Variants in TCF7L2 observed in about 807,000 individuals in gnomAD.
TCF7L2 encodes the protein transcription factor 7-like 2.
In TCF7L2, 23 loss-of-function variants were observed where a neutral mutation model predicts 77.9. The ratio of observed to expected loss-of-function variants is 0.30; its 90% CI spans 0.21 to 0.42. The LOEUF is 0.42. Among genes scored for constraint, TCF7L2 ranks in the 10% least tolerant of loss-of-function variants. TCF7L2 has a pLI of 1.00. For missense variants in TCF7L2, 654 were observed against 793.1 expected (o/e 0.82, Z 2.11); for synonymous variants, 413 against 340.2 (o/e 1.21, Z -2.36).
At position 113,158,212 on chromosome 10, in the gene TCF7L2, T is replaced by C; in HGVS notation, c.1318+143T>C. Reference sequence around the variant, plus strand: ...CCTTCTTAGCTAGCCTTTTTGTTTATGCATTTTAATTAATTGCTTCATGAC... The same window carrying C: ...CCTTCTTAGCTAGCCTTTTTGTTTACGCATTTTAATTAATTGCTTCATGAC... On this transcript the variant is annotated intron_variant, in intron 12 of 13. Coordinates refer to ENST00000627217, the MANE Select transcript of TCF7L2 (RefSeq NM_001146274.2). 4 of 790,294 alleles carry C rather than the reference T, an allele frequency of 5.1e-6. No homozygotes were observed. The South Asian group carries it at 7.1e-5, about 14-fold the overall frequency. 49.0% of individuals were successfully genotyped at this position (790,294 alleles called of 1,614,324 possible). A position where few individuals can be genotyped will look rare whatever the true frequency, so the allele number is the denominator to read the frequency against.
At chr10:113,063,496 G>A (rs1308358909) in intron 5 of TCF7L2, among the ~76,000 whole-genome samples, 1 of 152,118 alleles carries the variant, frequency 6.6e-6, no homozygotes, top group African/African-American at 2.4e-5. Flanking sequence ...TGCTCTGGCT[G>A]GAGGGAAGAT....
intron 5 of TCF7L2, among the ~76,000 whole-genome samples, chr10:113,086,478 T>C (rs2059846882): frequency 6.6e-6 from 1 of 152,208 alleles, no homozygotes; most frequent in Non-Finnish European, 1.5e-5. Context: ...CCTACAAGTC[T>C]GTGACCTTGA....
intron 5 of TCF7L2, among the ~76,000 whole-genome samples, chr10:113,069,258 C>T (rs1433390576): frequency 6.7e-6 from 1 of 150,110 alleles, no homozygotes; most frequent in Non-Finnish European, 1.5e-5. Context: ...TAGACAGAGT[C>T]TCGCTCCTAC....
intron 5 of TCF7L2, among the ~76,000 whole-genome samples, chr10:113,120,196 C>T (rs533010990): frequency 5.9e-5 from 9 of 152,238 alleles, no homozygotes; most frequent in African/African-American, 2.2e-4. Context: ...TTATTTGACT[C>T]TTTTTCTTTT....
At chr10:112,976,546 A>G (rs1221321156) in intron 4 of TCF7L2, among the ~76,000 whole-genome samples, 2 of 152,208 alleles carry the variant, frequency 1.3e-5, no homozygotes, top group South Asian at 2.1e-4. Flanking sequence ...ACCATGCACT[A>G]ATTTCCTGGG....
At chr10:113,052,891 G>A (rs1317034773) in intron 5 of TCF7L2, among the ~76,000 whole-genome samples, 3 of 152,156 alleles carry the variant, frequency 2.0e-5, no homozygotes, top group Admixed American at 2.0e-4. Context: ...TTTCTAAGAG[G>A]GTGATAACTT....
intron 5 of TCF7L2, among the ~76,000 whole-genome samples, chr10:113,084,347 G>A (rs1240371461): frequency 6.6e-6 from 1 of 152,164 alleles, no homozygotes; most frequent in African/African-American, 2.4e-5. Flanking sequence ...TTCAAAGGCC[G>A]GTGGGCTGGA....
At position 113,155,222 on chromosome 10, in the gene TCF7L2, A is replaced by G. The variant is rs1028325965; in HGVS notation, c.1269+2782A>G. ...GACTTGGTACCTTCTTTAGAGCCCA[A>G]GAGAAAACATCTTGAGTCCCATAGT... On this transcript the variant is annotated intron_variant, in intron 11 of 13. Coordinates refer to ENST00000627217, the MANE Select transcript of TCF7L2 (RefSeq NM_001146274.2). Among the ~76,000 whole-genome samples the G allele has an allele frequency of 7.9e-5, 12 of 152,172 alleles. 1 individual carries two copies. The highest frequency in any genetic ancestry group is 2.7e-4 in the African/African-American group (11 of 41,444).
rs1311160472 is a variant in TCF7L2 at position 113,086,328 on chromosome 10, A to G, written c.552+46202A>G. Among the ~76,000 whole-genome samples, 3 of 152,270 alleles carry G rather than the reference A, an allele frequency of 2.0e-5. No homozygotes were observed. The East Asian group carries it at 5.8e-4, about 29-fold the overall frequency. On this transcript the variant is annotated intron_variant, in intron 5 of 13. Transcript: ENST00000627217. The stretch of plus-strand genomic sequence containing the variant: ...GTATTGATCCATAACTGAAAAGTCC[A>G]GAATGATCAGGCATCAGGCATGGTT...
At chr10:113,018,921 C>A (rs1184453711) in intron 4 of TCF7L2, among the ~76,000 whole-genome samples, 1 of 152,132 alleles carries the variant, frequency 6.6e-6, no homozygotes, top group African/African-American at 2.4e-5. Flanking sequence ...TGGGAGGCAG[C>A]TGGGAGAGTC....
chr10:112,985,819 C>G (rs2135335657), intron 4 of TCF7L2, among the ~76,000 whole-genome samples: 1 of 151,120 alleles, frequency 6.6e-6, no homozygotes, highest in South Asian at 2.1e-4. Context: ...GGAGGGCTGC[C>G]TGTTAGTGAG....
At chr10:112,982,034 T>A (rs2040561481) in intron 4 of TCF7L2, among the ~76,000 whole-genome samples, 1 of 152,228 alleles carries the variant, frequency 6.6e-6, no homozygotes, top group Non-Finnish European at 1.5e-5. Context: ...ATGTAATACG[T>A]CTGTGGACTA....
chr10:113,115,572 C>T (rs1291598438), intron 5 of TCF7L2, among the ~76,000 whole-genome samples: 2 of 152,070 alleles, frequency 1.3e-5, no homozygotes, highest in East Asian at 1.9e-4. Flanking sequence ...TTGCACGGAA[C>T]GTTGTGATGA....
chr10:113,120,656 G>A (rs1180908535), intron 5 of TCF7L2, among the ~76,000 whole-genome samples: 1 of 152,126 alleles, frequency 6.6e-6, no homozygotes, highest in Admixed American at 6.5e-5. Flanking sequence ...GTAGGAGGGT[G>A]TTATGAAATA....
intron 5 of TCF7L2, among the ~76,000 whole-genome samples, chr10:113,053,686 G>A (rs982303102): frequency 6.6e-6 from 1 of 152,210 alleles, no homozygotes; most frequent in African/African-American, 2.4e-5. Flanking sequence ...CAGAACTGAT[G>A]CCTTGAGAAA....
intron 5 of TCF7L2, among the ~76,000 whole-genome samples, chr10:113,117,009 A>G (rs1211314927): frequency 6.6e-6 from 1 of 152,240 alleles, no homozygotes; most frequent in Non-Finnish European, 1.5e-5. Flanking sequence ...AATCACAAGC[A>G]GAGAGAACCC....
chr10:113,023,958 T>C (rs1564796225), intron 4 of TCF7L2, among the ~76,000 whole-genome samples: 2 of 151,720 alleles, frequency 1.3e-5, no homozygotes, highest in Admixed American at 6.6e-5. Flanking sequence ...GCGACTTGCA[T>C]GTAGACAGTA....
At chr10:113,132,048 G>C (rs2066685330) in intron 5 of TCF7L2, 1 of 152,234 alleles carries the variant, frequency 6.6e-6, no homozygotes, top group African/African-American at 2.4e-5. Context: ...GGATGCCCAT[G>C]TTTGGGATAC....
intron 4 of TCF7L2, among the ~76,000 whole-genome samples, chr10:113,039,674 G>C (rs1175164904): frequency 6.6e-6 from 1 of 152,096 alleles, no homozygotes; most frequent in Non-Finnish European, 1.5e-5. Flanking sequence ...CTTTGGAATA[G>C]CTCTATATTC....
Sources: allele counts gnomAD v4.1 joint callset (sites outside exome capture counted in the v4.1 genomes callset), GRCh38; gene constraint gnomAD v4.1.1; transcripts MANE v1.5; gene names NCBI Gene and HGNC (gene_info 2026-07-23, HGNC 2026-07-21).